ATP6V1A: variants seen among roughly 807,000 people sequenced by gnomAD.
The protein encoded by ATP6V1A is V-type proton ATPase catalytic subunit A.
ATP6V1A carries 18 observed loss-of-function variants against 70.1 expected under a neutral mutation model. The ratio of observed to expected loss-of-function variants is 0.26; its 90% CI spans 0.18 to 0.38. The LOEUF (loss-of-function observed/expected upper bound fraction) is 0.38. ATP6V1A is among the 10% of genes least tolerant of loss of function. The probability of loss-of-function intolerance (pLI) is 1.00; values close to 1 mark genes in which losing one functional copy is unlikely to be tolerated. For synonymous variants in ATP6V1A, 232 were observed against 253.8 expected, an observed-to-expected ratio of 0.91 and a Z score of 0.82; for missense variants, 424 against 772.4, an observed-to-expected ratio of 0.55 and a Z score of 5.35.
chr3:113,779,084 G>A (rs1367201505), intron 2 of ATP6V1A: 4 of 286,012 alleles, frequency 1.4e-5, no homozygotes, highest in Non-Finnish European at 2.6e-5. Flanking sequence ...TTATGTAAAT[G>A]TTCAACCAGT....
intron 1 of ATP6V1A, among the ~76,000 whole-genome samples, chr3:113,760,998 G>A (rs982318561): frequency 6.6e-6 from 1 of 151,388 alleles, no homozygotes; most frequent in Non-Finnish European, 1.5e-5. Context: ...ATCCGGGAGG[G>A]GGAGGTTGCA....
In ATP6V1A at chr3:113,778,297, G is replaced by A. The variant is rs555707352; in HGVS notation, c.-13-444G>A. Reference sequence around the variant, plus strand: ...TAATTCCAGCTACCCTGGAGGGTGAGGCACAGGAATTGCTTGAACTCGGGA... The same window carrying A: ...TAATTCCAGCTACCCTGGAGGGTGAAGCACAGGAATTGCTTGAACTCGGGA... On this transcript the variant is annotated intron_variant, in intron 1 of 14. Coordinates refer to ENST00000273398, the MANE Select transcript of ATP6V1A (RefSeq NM_001690.4). Among the ~76,000 whole-genome samples, 4 of 152,258 alleles carry A rather than the reference G, an allele frequency of 2.6e-5. No homozygotes were observed. In the South Asian group the frequency reaches 8.3e-4, roughly 32 times the overall value.
intron 8 of ATP6V1A, 151 bp downstream of exon 8, chr3:113,789,991 C>G: frequency 1.7e-6 from 1 of 589,508 alleles, no homozygotes; most frequent in Non-Finnish European, 2.8e-6. Flanking sequence ...TTTACTTGGC[C>G]GGGAATGGTG....
chr3:113,762,077 G>A (rs79024106), intron 1 of ATP6V1A, among the ~76,000 whole-genome samples: 5 of 129,166 alleles, frequency 3.9e-5, no homozygotes, highest in Non-Finnish European at 6.9e-5. Context: ...GCTTGAACCC[G>A]GGAGGCAGAG....
chr3:113,805,384 G>T lies in ATP6V1A; in HGVS notation c.1620G>T (p.Met540Ile). 6.2e-7 allele frequency: 1 copy of T among 1,614,120 alleles called. No homozygotes were observed. The highest frequency in any genetic ancestry group is 8.5e-7 in the Non-Finnish European group (1 of 1,179,994). ...GCCCATTCTACAAGACAGTAGGGAT[G>T]CTGTCCAACATGATTGCATTTTATG... ...RFCPFYKTVGMLSNMIAFYDM... is the reference protein window; with the variant it reads ...RFCPFYKTVGILSNMIAFYDM... Residue 540 changes from methionine (M) to isoleucine (I), a missense_variant, in exon 14 of 15, where the codon ATG (methionine) becomes ATT (isoleucine). Met to Ile is a conservative substitution (Grantham distance 10, BLOSUM62 1). Transcript: ENST00000273398.
intron 1 of ATP6V1A, among the ~76,000 whole-genome samples, chr3:113,773,743 T>G (rs905042365): frequency 2.0e-5 from 3 of 152,178 alleles, no homozygotes; most frequent in African/African-American, 7.2e-5. Context: ...GATGCCTCTT[T>G]GTTCATCCCT....
chr3:113,757,621 T>A (rs1423569411), intron 1 of ATP6V1A, among the ~76,000 whole-genome samples: 3 of 152,192 alleles, frequency 2.0e-5, no homozygotes. Flanking sequence ...AAGAGGCATA[T>A]CTGACTTCTA....
At chr3:113,768,164 T>C (rs1424389356) in intron 1 of ATP6V1A, among the ~76,000 whole-genome samples, 3 of 152,160 alleles carry the variant, frequency 2.0e-5, no homozygotes, top group Non-Finnish European at 4.4e-5. Flanking sequence ...TTTATTCCAA[T>C]AAGAATAAGT....
At chr3:113,800,589 A>T (rs1054962344) in intron 12 of ATP6V1A, among the ~76,000 whole-genome samples, 1 of 152,216 alleles carries the variant, frequency 6.6e-6, no homozygotes, top group African/African-American at 2.4e-5. Flanking sequence ...ATTGTTCTCT[A>T]ATTCCACATA....
At chr3:113,808,219 T>C (rs1709300151) in intron 14 of ATP6V1A, among the ~76,000 whole-genome samples, 2 of 151,506 alleles carry the variant, frequency 1.3e-5, no homozygotes, top group African/African-American at 4.8e-5. Flanking sequence ...TTTTGTGCAT[T>C]TTCTTAGTAT....
At chr3:113,794,387 A>C (rs1482484107) in intron 8 of ATP6V1A, among the ~76,000 whole-genome samples, 2 of 152,244 alleles carry the variant, frequency 1.3e-5, no homozygotes, top group East Asian at 3.8e-4. Context: ...TAAAATGTGC[A>C]TTATATTAGG....
At chr3:113,776,739 G>A (rs761833728) in intron 1 of ATP6V1A, among the ~76,000 whole-genome samples, 1 of 151,998 alleles carries the variant, frequency 6.6e-6, no homozygotes, top group African/African-American at 2.4e-5. Flanking sequence ...TGTTATTTTG[G>A]CAGTCAGTTC....
chr3:113,793,333 GATTAC>G lies in ATP6V1A; in HGVS notation c.989-1537_989-1533del, dbSNP rs1709118288. ...CCACCTTGGCCTCCCAAAGTGCTGG[GATTAC>G]AGGCTTGAGCCACCGCGCCTGGCCA... is the stretch of plus-strand genomic sequence containing the variant. On this transcript the variant is annotated intron_variant, in intron 8 of 14. Transcript: ENST00000273398. Among the ~76,000 whole-genome samples the G allele has an allele frequency of 3.9e-5, 6 of 152,166 alleles. No homozygotes were observed. The South Asian group carries it at 1.2e-3, about 31-fold the overall frequency.
At chr3:113,769,362 T>C (rs1275698610) in intron 1 of ATP6V1A, among the ~76,000 whole-genome samples, 1 of 152,212 alleles carries the variant, frequency 6.6e-6, no homozygotes, top group East Asian at 1.9e-4. Context: ...CTGAATCTTT[T>C]TTAAAAAAAA....
At chr3:113,758,172 T>TTAA (rs1236429190) in intron 1 of ATP6V1A, among the ~76,000 whole-genome samples, 1 of 152,110 alleles carries the variant, frequency 6.6e-6, no homozygotes. Flanking sequence ...AAATACTCTA[T>TTAA]TAGTCAACAA....
intron 1 of ATP6V1A, among the ~76,000 whole-genome samples, chr3:113,756,123 C>G (rs1708644601): frequency 1.3e-5 from 2 of 152,038 alleles, no homozygotes; most frequent in South Asian, 4.1e-4. Flanking sequence ...AAACTAGGCA[C>G]GGGATGATTA....
chr3:113,753,461 C>T (rs184250540), intron 1 of ATP6V1A, among the ~76,000 whole-genome samples: 2 of 152,260 alleles, frequency 1.3e-5, no homozygotes, highest in East Asian at 1.9e-4. Context: ...GAAATAAAAG[C>T]ACCAGTAAGA....
intron 3 of ATP6V1A, among the ~76,000 whole-genome samples, chr3:113,782,594 A>G (rs1404532401): frequency 1.4e-5 from 2 of 146,916 alleles, no homozygotes; most frequent in African/African-American, 2.5e-5. Flanking sequence ...ACACATATAT[A>G]TATATATACA....
Sources: allele counts gnomAD v4.1 joint callset (sites outside exome capture counted in the v4.1 genomes callset), GRCh38; gene constraint gnomAD v4.1.1; transcripts MANE v1.5; gene names NCBI Gene and HGNC (gene_info 2026-07-23, HGNC 2026-07-21).